Variants in C17orf75 observed in about 807,000 individuals in gnomAD.
C17orf75 encodes the protein chromosome 17 open reading frame 75.
C17orf75 carries 32 observed loss-of-function variants against 49.6 expected under a neutral mutation model. The ratio of observed to expected loss-of-function variants is 0.65; its 90% CI spans 0.49 to 0.87. The LOEUF is 0.87. Among genes scored for constraint, C17orf75 ranks in the 40% least tolerant of loss-of-function variants. The probability of loss-of-function intolerance (pLI) is 0.00; values close to 1 mark genes in which losing one functional copy is unlikely to be tolerated. For synonymous variants in C17orf75, 158 were observed against 159.5 expected, an observed-to-expected ratio of 0.99 and a Z score of 0.07; for missense variants, 428 against 473.9, an observed-to-expected ratio of 0.90 and a Z score of 0.90.
At position 32,333,400 on chromosome 17, in the gene C17orf75, C is replaced by T; in HGVS notation, c.975+17G>A. ...CAAAAATTTCATGTGGCACTTGGCA[C>T]ACAGCCAACTAATTACCTTTAGTTT... On this transcript the variant is annotated intron_variant, in intron 9 of 9. Transcript: ENST00000577809. 1 of 1,569,710 alleles carries T rather than the reference C, an allele frequency of 6.4e-7. No homozygotes were observed. Among genetic ancestry groups the T allele is most frequent in the Non-Finnish European group, 8.7e-7 (1 of 1,150,356 alleles).
At chr17:32,343,559 C>T, upstream of C17orf75, 1 of 337,204 alleles carries the variant, frequency 3.0e-6, no homozygotes, top group Non-Finnish European at 5.3e-6. Flanking sequence ...TCCAAATTGC[C>T]TCTCCATATC....
chr17:32,333,547 TA>T (rs2041296764), intron 8 of C17orf75, 27 bp from the exon 9 acceptor site: 2 of 1,526,916 alleles, frequency 1.3e-6, no homozygotes, highest in African/African-American at 1.4e-5. Context: ...AGAGACTAAA[TA>T]AAATGAAATT....
upstream of C17orf75, among the ~76,000 whole-genome samples, chr17:32,345,261 A>G (rs2041416588): frequency 6.6e-6 from 1 of 151,870 alleles, no homozygotes; most frequent in South Asian, 2.1e-4. Flanking sequence ...GCGGATCACA[A>G]GGTCAGGAGT....
At position 32,334,839 on chromosome 17, in the gene C17orf75, C is replaced by T; in HGVS notation, c.670G>A (p.Ala224Thr). The part of the protein sequence containing the change: ...QEKLTFLLHA[A>T]LSYTPVEVKE... ...ACTTCAACAGGAGTGTAACTCAAAGCCTATGAGAGAAAAATAAAGCCTGAT... is the reference window on the plus strand; with the variant it reads ...ACTTCAACAGGAGTGTAACTCAAAGTCTATGAGAGAAAAATAAAGCCTGAT... The change falls in exon 7 of 10, where the codon GCT (alanine) becomes ACT (threonine). Residue 224 changes from alanine to threonine, a missense_variant and splice_region_variant. Coordinates refer to ENST00000577809, the MANE Select transcript of C17orf75 (RefSeq NM_022344.4). 1 of 1,605,284 alleles carries T rather than the reference C, an allele frequency of 6.2e-7. No individual in the cohort carries two copies. The highest frequency in any genetic ancestry group is 1.1e-5 in the South Asian group (1 of 89,522).
intron 5 of C17orf75, among the ~76,000 whole-genome samples, chr17:32,336,060 A>G (rs1039479434): frequency 6.6e-6 from 1 of 152,188 alleles, no homozygotes; most frequent in African/African-American, 2.4e-5. Flanking sequence ...GAACAACTCT[A>G]TTAGACTTGC....
chr17:32,342,258 C>G, upstream of C17orf75: 2 of 1,362,656 alleles, frequency 1.5e-6, no homozygotes, highest in South Asian at 1.7e-5. Context: ...CCGCTGGTTT[C>G]CCCGGGTTCG....
At chr17:32,341,175 T>G (rs1182195346) in intron 2 of C17orf75, 29 bp downstream of exon 2, 2 of 1,608,432 alleles carry the variant, frequency 1.2e-6, no homozygotes, top group East Asian at 4.5e-5. Context: ...TGAAAGCACA[T>G]GCATGAATTA....
chr17:32,338,100 TA>T, intron 4 of C17orf75, 107 bp downstream of exon 4: 1 of 1,532,844 alleles, frequency 6.5e-7, no homozygotes, highest in Non-Finnish European at 8.9e-7. Flanking sequence ...GAAATTCAAC[TA>T]AATACACGAG....
upstream of C17orf75, among the ~76,000 whole-genome samples, chr17:32,344,890 G>A (rs1262770343): frequency 6.6e-6 from 1 of 151,796 alleles, no homozygotes; most frequent in Non-Finnish European, 1.5e-5. Flanking sequence ...CTGGGTGACA[G>A]AGTGAGACTC....
upstream of C17orf75, among the ~76,000 whole-genome samples, chr17:32,345,159 C>T (rs1277301230): frequency 3.3e-5 from 5 of 151,976 alleles, no homozygotes; most frequent in Admixed American, 6.6e-5. Context: ...TGTATTTTCA[C>T]ATTTGATTGG....
upstream of C17orf75, among the ~76,000 whole-genome samples, chr17:32,344,450 T>C (rs993469503): frequency 1.3e-5 from 2 of 151,606 alleles, no homozygotes; most frequent in African/African-American, 2.4e-5. Flanking sequence ...ACCCCATCTC[T>C]ACTAAAAATA....
Position 32,335,413 on chromosome 17 carries a change from G to T in C17orf75, c.579C>A (p.Ser193=), listed in dbSNP as rs2041315396. The T allele has an allele frequency of 6.2e-7, 1 of 1,613,776 alleles. No homozygotes were observed. The highest frequency in any genetic ancestry group is 1.1e-5 in the South Asian group (1 of 91,086). ...CATCCTCAAACCAGCTGCTCAGATAGGATTTTATGTGACTCTCCAGGCCCC... is the reference window on the plus strand; with the variant it reads ...CATCCTCAAACCAGCTGCTCAGATATGATTTTATGTGACTCTCCAGGCCCC... ...EARGLESHIK[S]YLSSWFEDVV... is the part of the protein sequence containing the mutation. Residue 193 remains serine, a synonymous_variant, in exon 6 of 10, where the codon TCC becomes TCA. Coordinates refer to ENST00000577809, the MANE Select transcript of C17orf75 (RefSeq NM_022344.4).
chr17:32,338,484 G>T, intron 3 of C17orf75, 133 bp from the exon 4 acceptor site: 1 of 849,510 alleles, frequency 1.2e-6, no homozygotes, highest in Non-Finnish European at 1.7e-6. Flanking sequence ...GAGCTTCCCA[G>T]ACTTCTCGTT....
upstream of C17orf75, among the ~76,000 whole-genome samples, chr17:32,344,393 G>A (rs1487544326): frequency 3.3e-5 from 5 of 151,916 alleles, no homozygotes; most frequent in Non-Finnish European, 5.9e-5. Context: ...CGAGGCAGGC[G>A]GATCACAAGG....
At chr17:32,341,944 C>CCGGGGGCGGGGCCG in intron 1 of C17orf75, 56 bp downstream of exon 1, 2 of 1,245,836 alleles carry the variant, frequency 1.6e-6, no homozygotes, top group Non-Finnish European at 2.0e-6. Flanking sequence ...GGGCGGCGGG[C>CCGGGGGCGGGGCCG]CGGGGGCGGG....
intron 5 of C17orf75, among the ~76,000 whole-genome samples, chr17:32,337,624 A>C (rs1380551052): frequency 6.6e-6 from 1 of 151,908 alleles, no homozygotes; most frequent in Non-Finnish European, 1.5e-5. Context: ...CTCAGGCTGG[A>C]GTGCAGTGGT....
At chr17:32,340,024 G>A (rs1162024496) in intron 2 of C17orf75, 86 bp from the exon 3 acceptor site, 2 of 1,514,074 alleles carry the variant, frequency 1.3e-6, no homozygotes, top group African/African-American at 2.8e-5. Flanking sequence ...CCAACGCCAG[G>A]GGCTCTTTTA....
rs1467274353 is a variant in C17orf75 at position 32,328,835 on chromosome 17, A to C, written c.*2928T>G. The C allele has an allele frequency of 6.6e-6, 1 of 152,062 alleles. No homozygotes were observed. The highest frequency in any genetic ancestry group is 2.4e-5 in the African/African-American group (1 of 41,424). 9.4% of individuals were successfully genotyped at this position (152,062 alleles called of 1,614,324 possible). On this transcript the variant is annotated 3_prime_UTR_variant, in exon 10 of 10. Transcript: ENST00000577809. ...AACCTGGGAGGCAGAGGTTGCAGTG[A>C]GCCAAGATTGCACCACCACACTCCA...
chr17:32,342,147 G>A lies in C17orf75; in HGVS notation c.-8C>T. On this transcript the variant is annotated 5_prime_UTR_variant, in exon 1 of 10. Coordinates refer to ENST00000577809, the MANE Select transcript of C17orf75 (RefSeq NM_022344.4). ...CTGCAAAGAGGGGAGCATTGCGGCG[G>A]CCTCTGAGCGGCCCTGTGTCTCCGC... 1 of 1,591,910 alleles carries A rather than the reference G, an allele frequency of 6.3e-7. No individual in the cohort carries two copies. The highest frequency in any genetic ancestry group is 8.5e-7 in the Non-Finnish European group (1 of 1,170,660).
Sources: gnomAD v4.1 joint callset for allele counts (sites outside exome capture counted in the v4.1 genomes callset) on GRCh38, gnomAD v4.1.1 for gene constraint, MANE v1.5 for transcripts, NCBI Gene and HGNC (gene_info 2026-07-23, HGNC 2026-07-21) for gene names.